IGF2BP2: variants seen among roughly 807,000 people sequenced by gnomAD.
The protein encoded by IGF2BP2 is insulin like growth factor 2 mRNA binding protein 2, also known as insulin-like growth factor 2 mRNA-binding protein 2.
A neutral mutation model predicts 75.8 loss-of-function variants in IGF2BP2; 17 were observed. That is an observed-to-expected ratio of 0.22 (90% CI 0.15 to 0.34). The LOEUF is 0.34. IGF2BP2 is among the 10% of genes least tolerant of loss of function. IGF2BP2 has a pLI of 1.00. For synonymous variants in IGF2BP2, 288 were observed against 295.6 expected (o/e 0.97, Z 0.26); for missense variants, 516 against 772.4 (o/e 0.67, Z 3.93).
chr3:185,671,832 A>C (rs1425667190), intron 10 of IGF2BP2, among the ~76,000 whole-genome samples: 1 of 152,210 alleles, frequency 6.6e-6, no homozygotes, highest in African/African-American at 2.4e-5. Context: ...ACATTGGGGG[A>C]AAGTTTGCTT....
At chr3:185,799,608 T>C (rs568558432) in intron 2 of IGF2BP2, among the ~76,000 whole-genome samples, 15 of 151,966 alleles carry the variant, frequency 9.9e-5, no homozygotes, top group Admixed American at 4.6e-4. Flanking sequence ...AAAAATTAGC[T>C]GGGCGTGGTG....
chr3:185,645,765 T>G lies in IGF2BP2; in HGVS notation c.1708-142A>C. ...AGCATCATCTACCCACCCCCGCACG[T>G]TACTCCAGGCCCTTTTCTGCCTGGA... On this transcript the variant is annotated intron_variant, in intron 15 of 15. Coordinates refer to ENST00000382199, the MANE Select transcript of IGF2BP2 (RefSeq NM_006548.6). The surrounding 1 kb of genome is among the most constrained non-coding windows in gnomAD (Gnocchi z 4.9). 1 of 641,108 alleles carries G rather than the reference T, an allele frequency of 1.6e-6. No individual in the cohort carries two copies. Among genetic ancestry groups the G allele is most frequent in the South Asian group, 1.9e-5 (1 of 53,010 alleles). The allele number at this position is 641,108 out of a possible 1,614,324, so 39.7% of individuals were successfully genotyped here. A position where few individuals can be genotyped will look rare whatever the true frequency, so the allele number is the denominator to read the frequency against.
At chr3:185,662,360 T>C (rs1321552728) in intron 10 of IGF2BP2, among the ~76,000 whole-genome samples, 1 of 151,396 alleles carries the variant, frequency 6.6e-6, no homozygotes, top group Non-Finnish European at 1.5e-5. Flanking sequence ...CATCTGTAGT[T>C]CCAGCTACTT....
chr3:185,648,270 T>G (rs897821637), intron 14 of IGF2BP2, among the ~76,000 whole-genome samples: 1 of 151,958 alleles, frequency 6.6e-6, no homozygotes, highest in Non-Finnish European at 1.5e-5. Flanking sequence ...CAGCCTGACC[T>G]GACCAAAATG....
chr3:185,675,996 T>C (rs987734176), intron 7 of IGF2BP2, 83 bp from the exon 8 acceptor site: 46 of 1,526,754 alleles, frequency 3.0e-5, no homozygotes, highest in Non-Finnish European at 3.6e-5. Context: ...TTTTTTCTTA[T>C]AAATGGAAGT....
At chr3:185,743,363 T>C (rs893067538) in intron 2 of IGF2BP2, among the ~76,000 whole-genome samples, 6 of 152,242 alleles carry the variant, frequency 3.9e-5, no homozygotes, top group African/African-American at 1.4e-4. Flanking sequence ...GCAACCTCCA[T>C]CTTCCAGGTT....
At chr3:185,734,975 T>C (rs1456359006) in intron 2 of IGF2BP2, among the ~76,000 whole-genome samples, 1 of 152,104 alleles carries the variant, frequency 6.6e-6, no homozygotes, top group East Asian at 1.9e-4. Context: ...GAAGACAGCG[T>C]TGTAACATGA....
intron 2 of IGF2BP2, among the ~76,000 whole-genome samples, chr3:185,746,228 A>C (rs1730231548): frequency 6.6e-6 from 1 of 152,212 alleles, no homozygotes; most frequent in Admixed American, 6.5e-5. Context: ...CTGGCTTGAC[A>C]AATTTGACTT....
intron 2 of IGF2BP2, among the ~76,000 whole-genome samples, chr3:185,741,499 G>A (rs1416177136): frequency 6.6e-6 from 1 of 152,278 alleles, no homozygotes; most frequent in East Asian, 1.9e-4. Context: ...GAATGAATGG[G>A]TATCAGTGGT....
At chr3:185,662,831 C>T (rs992714380) in intron 10 of IGF2BP2, among the ~76,000 whole-genome samples, 1 of 152,120 alleles carries the variant, frequency 6.6e-6, no homozygotes, top group Admixed American at 6.5e-5. Context: ...GCTTGAGCCA[C>T]TGCAGCTGGC....
At chr3:185,715,999 T>G (rs932437251) in intron 2 of IGF2BP2, among the ~76,000 whole-genome samples, 1 of 152,148 alleles carries the variant, frequency 6.6e-6, no homozygotes, top group Non-Finnish European at 1.5e-5. Context: ...AACCAACAAA[T>G]TAAATGCCTC....
intron 2 of IGF2BP2, among the ~76,000 whole-genome samples, chr3:185,735,176 C>T (rs934484589): frequency 6.1e-5 from 9 of 147,648 alleles, no homozygotes; most frequent in African/African-American, 2.3e-4. Flanking sequence ...GACCAAGTCT[C>T]GCTCTGTCGC....
intron 2 of IGF2BP2, among the ~76,000 whole-genome samples, chr3:185,750,738 AG>A (rs996439392): frequency 6.6e-6 from 1 of 152,196 alleles, no homozygotes; most frequent in Non-Finnish European, 1.5e-5. Flanking sequence ...GCTCCAATCC[AG>A]ACCCCCCTCA....
intron 2 of IGF2BP2, among the ~76,000 whole-genome samples, chr3:185,726,935 G>C: frequency 6.6e-6 from 1 of 152,164 alleles, no homozygotes; most frequent in East Asian, 1.9e-4. Context: ...GAAATTACAG[G>C]AGGCCGAGCA....
At chr3:185,689,837 G>A (rs1053794673) in intron 5 of IGF2BP2, among the ~76,000 whole-genome samples, 3 of 151,042 alleles carry the variant, frequency 2.0e-5, no homozygotes, top group African/African-American at 4.9e-5. Flanking sequence ...GCGTAGTGGC[G>A]GGCGCCTGTA....
At chr3:185,663,009 C>T (rs1716723274) in intron 10 of IGF2BP2, among the ~76,000 whole-genome samples, 1 of 152,134 alleles carries the variant, frequency 6.6e-6, no homozygotes, top group Admixed American at 6.5e-5. Context: ...TAGGTGATGT[C>T]TACAGCCTCA....
chr3:185,677,446 T>C (rs1403263829), intron 7 of IGF2BP2, among the ~76,000 whole-genome samples: 2 of 152,072 alleles, frequency 1.3e-5, no homozygotes, highest in African/African-American at 4.8e-5. Flanking sequence ...CTAGAACCTC[T>C]AGCTAGGCTG....
At chr3:185,668,627 T>TATAC (rs1027928977) in intron 10 of IGF2BP2, among the ~76,000 whole-genome samples, 1 of 149,932 alleles carries the variant, frequency 6.7e-6, no homozygotes, top group Non-Finnish European at 1.5e-5. Flanking sequence ...TAAATGAACA[T>TATAC]ATATATAATT....
intron 2 of IGF2BP2, among the ~76,000 whole-genome samples, chr3:185,800,718 AAAAG>A (rs1553893939): frequency 1.5e-4 from 22 of 143,394 alleles, no homozygotes; most frequent in East Asian, 4.0e-4. Flanking sequence ...GAGCCAAAAA[AAAAG>A]AAAGAAAGAA....
Sources: allele counts gnomAD v4.1 joint callset (sites outside exome capture counted in the v4.1 genomes callset), GRCh38; gene constraint gnomAD v4.1.1; non-coding constraint Gnocchi (gnomAD v3.1); transcripts MANE v1.5; gene names NCBI Gene and HGNC (gene_info 2026-07-23, HGNC 2026-07-21).